Variants in ADD3 observed in about 807,000 individuals in gnomAD.
ADD3 encodes the protein adducin 3, also known as gamma-adducin.
A neutral mutation model predicts 80.2 loss-of-function variants in ADD3; 25 were observed. That is an observed-to-expected ratio of 0.31 (90% confidence interval 0.23 to 0.44). The LOEUF (loss-of-function observed/expected upper bound fraction) is 0.44. Among genes scored for constraint, ADD3 ranks in the 20% least tolerant of loss-of-function variants. The pLI is 1.00. For synonymous variants in ADD3, 284 were observed against 289.6 expected, an observed-to-expected ratio of 0.98 and a Z score of 0.20; for missense variants, 829 against 847.5, an observed-to-expected ratio of 0.98 and a Z score of 0.27.
chr10:110,121,985 G>A, intron 8 of ADD3, 125 bp from the exon 9 acceptor site: 2 of 727,486 alleles, frequency 2.7e-6, no homozygotes, highest in Non-Finnish European at 4.3e-6. Flanking sequence ...TCTTGTCTTT[G>A]TTGTTAGTAG....
At chr10:110,006,243 T>C (rs1851624039), upstream of ADD3, 1 of 152,740 alleles carries the variant, frequency 6.5e-6, no homozygotes, top group African/African-American at 2.4e-5. Flanking sequence ...TTAAAATGGA[T>C]TATGTTAATT....
chr10:110,084,025 A>G (rs143017132), intron 1 of ADD3, among the ~76,000 whole-genome samples: 86 of 152,340 alleles, frequency 5.6e-4, no homozygotes, highest in Admixed American at 2.0e-3. Flanking sequence ...GTACAGCTAA[A>G]TAGACACTAT....
At position 110,135,293 on chromosome 10, in the gene ADD3, A is replaced by G. The variant is rs1485025520; in HGVS notation, c.*1675A>G. On this transcript the variant is annotated 3_prime_UTR_variant, in exon 15 of 15. Transcript: ENST00000356080. ...TCTACATCATTTATGTTGTATTACA[A>G]TGTATGTAGAAATAGTAACCTGTGA... The G allele has an allele frequency of 6.6e-6, 1 of 152,646 alleles. No homozygotes were observed. The highest frequency in any genetic ancestry group is 1.5e-5 in the Non-Finnish European group (1 of 68,032). 9.5% of individuals were successfully genotyped at this position (152,646 alleles called of 1,614,324 possible).
intron 1 of ADD3, among the ~76,000 whole-genome samples, chr10:109,999,814 T>C (rs1467967118): frequency 1.3e-5 from 2 of 152,208 alleles, no homozygotes; most frequent in Non-Finnish European, 1.5e-5. Context: ...CTAGGAGCTT[T>C]ACATTTATTA....
chr10:110,071,165 A>G (rs980764268), intron 1 of ADD3, among the ~76,000 whole-genome samples: 4 of 152,192 alleles, frequency 2.6e-5, no homozygotes, highest in African/African-American at 9.7e-5. Flanking sequence ...AACGTAAAAC[A>G]TATTTTTCCA....
At chr10:110,043,304 C>A (rs145762024) in intron 1 of ADD3, among the ~76,000 whole-genome samples, 1 of 152,246 alleles carries the variant, frequency 6.6e-6, no homozygotes, top group Non-Finnish European at 1.5e-5. Context: ...AATTGACCTC[C>A]TCCCAGGTTT....
intron 1 of ADD3, among the ~76,000 whole-genome samples, chr10:110,090,872 G>A (rs1847414838): frequency 6.6e-6 from 1 of 152,044 alleles, no homozygotes; most frequent in Admixed American, 6.6e-5. Context: ...CTTTAAGTTG[G>A]ATTTTAAACT....
chr10:110,078,123 C>T (rs1328417076), intron 1 of ADD3, among the ~76,000 whole-genome samples: 1 of 152,170 alleles, frequency 6.6e-6, no homozygotes, highest in Non-Finnish European at 1.5e-5. Flanking sequence ...CTCCTTTTTA[C>T]TTGGTAGTAA....
intron 1 of ADD3, among the ~76,000 whole-genome samples, chr10:110,042,955 G>A (rs1448768826): frequency 2.6e-5 from 4 of 151,912 alleles, no homozygotes; most frequent in African/African-American, 7.3e-5. Flanking sequence ...TCAGAGTTTC[G>A]GTGGGTCATA....
chr10:110,035,313 C>T (rs935914260), intron 1 of ADD3, among the ~76,000 whole-genome samples: 3 of 152,214 alleles, frequency 2.0e-5, no homozygotes, highest in African/African-American at 4.8e-5. Flanking sequence ...TTTCCACCCT[C>T]TGCTCTATCA....
intron 1 of ADD3, among the ~76,000 whole-genome samples, chr10:110,000,515 T>C (rs1423002189): frequency 6.6e-6 from 1 of 152,266 alleles, no homozygotes; most frequent in Non-Finnish European, 1.5e-5. Flanking sequence ...TGCTCTGTTA[T>C]GAGCAACTGG....
intron 8 of ADD3, among the ~76,000 whole-genome samples, chr10:110,121,522 G>A (rs1018904175): frequency 6.6e-6 from 1 of 152,056 alleles, no homozygotes; most frequent in African/African-American, 2.4e-5. Flanking sequence ...TTCTCATGAA[G>A]CAAATGGTAA....
intron 1 of ADD3, among the ~76,000 whole-genome samples, chr10:110,094,004 A>T (rs1036623586): frequency 6.6e-6 from 1 of 152,204 alleles, no homozygotes; most frequent in Non-Finnish European, 1.5e-5. Flanking sequence ...GTACTTTTTA[A>T]TATTTAATGA....
intron 1 of ADD3, among the ~76,000 whole-genome samples, chr10:110,098,267 G>C (rs1848411697): frequency 1.3e-5 from 2 of 152,158 alleles, no homozygotes; most frequent in Admixed American, 1.3e-4. Flanking sequence ...ATAATCCTAG[G>C]AGTTGGATGG....
intron 1 of ADD3, among the ~76,000 whole-genome samples, chr10:110,091,357 AC>A: frequency 6.6e-6 from 1 of 152,300 alleles, no homozygotes; most frequent in Admixed American, 6.5e-5. Flanking sequence ...GTAATCTGAG[AC>A]AAATTTATTA....
At chr10:110,123,901 TC>T (rs1174795833) in intron 9 of ADD3, 115 bp from the exon 10 acceptor site, 16 of 1,098,786 alleles carry the variant, frequency 1.5e-5, no homozygotes, top group African/African-American at 1.6e-5. Flanking sequence ...GATGCCTTTT[TC>T]TTTGTTTTTT....
intron 4 of ADD3, among the ~76,000 whole-genome samples, chr10:110,117,116 C>T (rs984359848): frequency 3.3e-5 from 5 of 152,100 alleles, no homozygotes; most frequent in Admixed American, 6.6e-5. Flanking sequence ...CCCAAAATAA[C>T]ACTTTTAGGT....
In ADD3 at chr10:110,064,928, C is replaced by T. The variant is rs191788785; in HGVS notation, c.-29-35697C>T. ...CAAAAATTAGCCAGGGGTGGTGGCA[C>T]GCACCTGTAGTCCTAGCTATGCAGG... On this transcript the variant is annotated intron_variant, in intron 1 of 14. Coordinates refer to ENST00000356080, the MANE Select transcript of ADD3 (RefSeq NM_016824.5). Among the ~76,000 whole-genome samples, 507 of 152,198 alleles carry T rather than the reference C, an allele frequency of 3.3e-3. 4 individuals are homozygous for T. The highest frequency in any genetic ancestry group is 3.5e-3 in the Non-Finnish European group (237 of 68,010).
At position 110,134,625 on chromosome 10, in the gene ADD3, G is replaced by GA. The variant is rs1171931644; in HGVS notation, c.*1012dup. The GA allele has an allele frequency of 6.6e-6, 1 of 152,570 alleles. No homozygotes were observed. Among genetic ancestry groups the GA allele is most frequent in the African/African-American group, 2.4e-5 (1 of 41,440 alleles). 9.5% of individuals were successfully genotyped at this position (152,570 alleles called of 1,614,324 possible). On this transcript the variant is annotated 3_prime_UTR_variant, in exon 15 of 15. Transcript: ENST00000356080. ...AATGAAAAAGAATGAAAGGGAAAGT[G>GA]AAAAATTAAGGGGACAAAAGATGGG...
Sources: gnomAD v4.1 joint callset for allele counts (sites outside exome capture counted in the v4.1 genomes callset) on GRCh38, gnomAD v4.1.1 for gene constraint, MANE v1.5 for transcripts, NCBI Gene and HGNC (gene_info 2026-07-23, HGNC 2026-07-21) for gene names.